The following SS18 variants were observed in gnomAD, a reference collection of about 807,000 sequenced individuals.
The protein encoded by SS18 is protein SSXT.
A neutral mutation model predicts 72.5 loss-of-function variants in SS18; 28 were observed. That is an observed-to-expected ratio of 0.39 (90% CI 0.29 to 0.53). The LOEUF (loss-of-function observed/expected upper bound fraction) is 0.53, where lower values mean the gene tolerates loss of function less well. Ranked by LOEUF, SS18 falls within the 20% of genes least tolerant of loss-of-function variation. SS18 has a pLI of 0.76. For synonymous variants in SS18, 172 were observed against 164.2 expected (o/e 1.05, Z -0.37); for missense variants, 518 against 535.3 (o/e 0.97, Z 0.32).
chr18:26,062,807 G>A (rs1379381592), intron 3 of SS18, among the ~76,000 whole-genome samples: 1 of 152,138 alleles, frequency 6.6e-6, no homozygotes, highest in Non-Finnish European at 1.5e-5. Context: ...TACGATAAAA[G>A]TTCAACAGGA....
intron 5 of SS18, among the ~76,000 whole-genome samples, chr18:26,047,524 C>T (rs140842958): frequency 5.3e-5 from 8 of 152,206 alleles, no homozygotes; most frequent in African/African-American, 1.9e-4. Flanking sequence ...AATCCTATCA[C>T]TAAAACAAAC....
chr18:26,074,646 T>C (rs2054377261), intron 3 of SS18, among the ~76,000 whole-genome samples: 2 of 152,018 alleles, frequency 1.3e-5, no homozygotes, highest in Admixed American at 1.3e-4. Flanking sequence ...TTTTTTAGAT[T>C]TGTTTTAATT....
chr18:26,037,700 T>C (rs1034460080), intron 7 of SS18, among the ~76,000 whole-genome samples: 4 of 152,136 alleles, frequency 2.6e-5, no homozygotes, highest in African/African-American at 7.2e-5. Flanking sequence ...GTAATTTATA[T>C]TTACATCAAA....
chr18:26,087,872 T>A (rs1299098986), intron 1 of SS18, among the ~76,000 whole-genome samples: 3 of 152,204 alleles, frequency 2.0e-5, no homozygotes, highest in African/African-American at 7.2e-5. Context: ...TAAAGCAACA[T>A]TAGTGTATCA....
At chr18:26,073,014 C>T (rs2054344081) in intron 3 of SS18, among the ~76,000 whole-genome samples, 1 of 152,020 alleles carries the variant, frequency 6.6e-6, no homozygotes, top group Non-Finnish European at 1.5e-5. Context: ...ATATATAGAA[C>T]TCTGCTCTCA....
chr18:26,080,260 A>G (rs1011192233), intron 2 of SS18: 2 of 828,496 alleles, frequency 2.4e-6, no homozygotes, highest in African/African-American at 1.9e-5. Context: ...ATATCTTGCC[A>G]TTTTTTAAAA....
chr18:26,030,911 AACTAAAGAAG>A (rs372335051), intron 10 of SS18, among the ~76,000 whole-genome samples: 1 of 152,186 alleles, frequency 6.6e-6, no homozygotes, highest in African/African-American at 2.4e-5. Flanking sequence ...GAAATATAGA[AACTAAAGAAG>A]ACCATCTAAA....
intron 2 of SS18, among the ~76,000 whole-genome samples, chr18:26,078,664 T>C (rs1357572459): frequency 2.0e-5 from 3 of 152,138 alleles, no homozygotes; most frequent in Non-Finnish European, 4.4e-5. Flanking sequence ...GGTGGGCAGA[T>C]CACTTGAGGT....
chr18:26,027,050 A>G (rs1301386974), intron 10 of SS18, among the ~76,000 whole-genome samples: 1 of 152,206 alleles, frequency 6.6e-6, no homozygotes, highest in Non-Finnish European at 1.5e-5. Context: ...GGCAATTACA[A>G]TGAAACTCCT....
intron 4 of SS18, among the ~76,000 whole-genome samples, chr18:26,054,172 A>AG (rs891195911): frequency 3.9e-5 from 6 of 152,302 alleles, no homozygotes; most frequent in Non-Finnish European, 7.4e-5. Context: ...AATAATGACA[A>AG]GAAAAAAAAA....
chr18:26,049,404 G>A (rs1305297808), intron 5 of SS18, among the ~76,000 whole-genome samples: 2 of 152,238 alleles, frequency 1.3e-5, no homozygotes, highest in Non-Finnish European at 2.9e-5. Flanking sequence ...GGATACAGCA[G>A]AGAACACACT....
rs746531548 is a variant in SS18, at chr18:26,034,998, G to C, written c.1096+7C>G. 4 of 1,612,552 alleles carry C rather than the reference G, an allele frequency of 2.5e-6. No individual in the cohort carries two copies. The highest frequency in any genetic ancestry group is 2.2e-5 in the South Asian group (2 of 90,996). On this transcript the variant is annotated splice_region_variant and intron_variant, in intron 9 of 10. Coordinates refer to ENST00000415083, the MANE Select transcript of SS18 (RefSeq NM_001007559.3). Reference sequence around the variant, plus strand: ...TGGTGATAAAAATACACTGTACAAAGCTTTACCGTAGCCCTGCTGCTGTCC... The same window carrying C: ...TGGTGATAAAAATACACTGTACAAACCTTTACCGTAGCCCTGCTGCTGTCC...
intron 3 of SS18, among the ~76,000 whole-genome samples, chr18:26,076,766 A>G (rs957282828): frequency 1.3e-5 from 2 of 152,000 alleles, no homozygotes; most frequent in Non-Finnish European, 2.9e-5. Flanking sequence ...AGAGGCTTCC[A>G]TTGATCAGAG....
intron 5 of SS18, among the ~76,000 whole-genome samples, chr18:26,049,622 C>G (rs1227799863): frequency 6.6e-6 from 1 of 152,184 alleles, no homozygotes; most frequent in Non-Finnish European, 1.5e-5. Context: ...AGTGAACCTC[C>G]TGCCTCCACC....
rs962817804 is a variant in SS18, at chr18:26,046,665, T to C, written c.607+5959A>G. On this transcript the variant is annotated intron_variant, in intron 5 of 10. Transcript: ENST00000415083. Reference sequence around the variant, plus strand: ...TTACACTGAATTTGGGTTTCATTTCTAGCATTATCATTTTTCATTTCTTTG... The same window carrying C: ...TTACACTGAATTTGGGTTTCATTTCCAGCATTATCATTTTTCATTTCTTTG... 2.0e-4 allele frequency among the ~76,000 whole-genome samples: 31 copies of C among 152,362 alleles called. 1 individual carries two copies. Among genetic ancestry groups the C allele is most frequent in the African/African-American group, 7.5e-4 (31 of 41,592 alleles).
intron 3 of SS18, among the ~76,000 whole-genome samples, chr18:26,071,820 A>G (rs1409077968): frequency 6.6e-6 from 1 of 151,908 alleles, no homozygotes; most frequent in Non-Finnish European, 1.5e-5. Context: ...GGAGTGAAAC[A>G]CTGTCTCCAG....
chr18:26,082,297 C>A, intron 2 of SS18: 1 of 793,952 alleles, frequency 1.3e-6, no homozygotes, highest in Non-Finnish European at 1.5e-6. Context: ...AAAATGGACA[C>A]TCTATTTGTT....
chr18:26,035,868 C>A lies in SS18; in HGVS notation c.936G>T (p.Arg312Ser). The A allele has an allele frequency of 6.2e-7, 1 of 1,602,226 alleles. No homozygotes were observed. The highest frequency in any genetic ancestry group is 8.5e-7 in the Non-Finnish European group (1 of 1,173,134). The stretch of plus-strand genomic sequence containing the variant: ...AATGTTGTGAGGAATCCTCATAAGG[C>A]CTATCGTAGCCTTGTTCAGGATACG... ...QPSYPEQGYD[R>S]PYEDSSQHYY... is the part of the protein sequence containing the mutation. Residue 312 changes from arginine (R) to serine (S), a missense_variant, in exon 8 of 11, where the codon AGG becomes AGT. By Grantham distance (110) the Arg-to-Ser change is moderately radical. Transcript: ENST00000415083. The surrounding 1 kb of genome is among the most constrained non-coding windows in gnomAD (Gnocchi z 4.4).
Position 26,087,558 on chromosome 18 carries a change from T to C in SS18, c.89A>G (p.His30Arg), listed in dbSNP as rs2054638047. The C allele has an allele frequency of 2.5e-6, 4 of 1,591,728 alleles. No individual in the cohort carries two copies. Among genetic ancestry groups the C allele is most frequent in the Non-Finnish European group, 3.4e-6 (4 of 1,163,806 alleles). ...AGAGTCCATTATACACTGAATAAGA[T>C]GGTTATTGTCATCCAACATCTGAAA... ...AIQKMLDDNN[H>R]LIQCIMDSQN... The change falls in exon 2 of 11, where the codon CAT (histidine) becomes CGT (arginine). Residue 30 changes from histidine to arginine, a missense_variant. By Grantham distance (29) the His-to-Arg change is conservative. Coordinates refer to ENST00000415083, the MANE Select transcript of SS18 (RefSeq NM_001007559.3).
Sources: allele counts gnomAD v4.1 joint callset (sites outside exome capture counted in the v4.1 genomes callset), GRCh38; gene constraint gnomAD v4.1.1; non-coding constraint Gnocchi (gnomAD v3.1); transcripts MANE v1.5; gene names NCBI Gene and HGNC (gene_info 2026-07-23, HGNC 2026-07-21).